Variants in LOC128092251 observed in about 807,000 individuals in gnomAD.
the LOC128092251 span, chr1:89,579,651 C>T: frequency 6.6e-6 from 1 of 152,430 alleles, no homozygotes; most frequent in Non-Finnish European, 1.5e-5. Flanking sequence ...GACCTCCTGA[C>T]TGAAGCATAT....
chr1:89,579,615 G>A, the LOC128092251 span: 1 of 152,656 alleles, frequency 6.6e-6, no homozygotes, highest in East Asian at 1.9e-4. Flanking sequence ...CAGAGATGGT[G>A]TGTCTAAGAA....
the LOC128092251 span, chr1:89,579,622 A>G: frequency 6.5e-6 from 1 of 152,674 alleles, no homozygotes; most frequent in Non-Finnish European, 1.5e-5. Flanking sequence ...GGTGTGTCTA[A>G]GAAACTTCAA....
At chr1:89,579,635 G>A in the LOC128092251 span, 1 of 152,594 alleles carries the variant, frequency 6.6e-6, no homozygotes, top group East Asian at 1.9e-4. Flanking sequence ...AACTTCAAAA[G>A]GTGTAGACCT....
chr1:89,579,612 GGT>G, the LOC128092251 span: 1 of 152,554 alleles, frequency 6.6e-6, no homozygotes, highest in Admixed American at 6.5e-5. Context: ...ACACAGAGAT[GGT>G]GTGTCTAAGA....
chr1:89,579,630 C>A, the LOC128092251 span: 2 of 152,606 alleles, frequency 1.3e-5, no homozygotes, highest in Non-Finnish European at 2.9e-5. Flanking sequence ...TAAGAAACTT[C>A]AAAAGGTGTA....
the LOC128092251 span, chr1:89,579,641 G>A: frequency 6.6e-6 from 1 of 152,606 alleles, no homozygotes; most frequent in Non-Finnish European, 1.5e-5. Flanking sequence ...AAAAGGTGTA[G>A]ACCTCCTGAC....
chr1:89,579,592 A>T, the LOC128092251 span: 1 of 152,700 alleles, frequency 6.5e-6, no homozygotes, highest in Non-Finnish European at 1.5e-5. Context: ...TTCTCATAGA[A>T]TGAAGACAAA....
At chr1:89,579,641 G>T in the LOC128092251 span, 1 of 152,606 alleles carries the variant, frequency 6.6e-6, no homozygotes. Flanking sequence ...AAAAGGTGTA[G>T]ACCTCCTGAC....
Sources: gnomAD v4.1 joint callset for allele counts on GRCh38, gnomAD v4.1.1 for gene constraint, MANE v1.5 for transcripts.